Variants in GATB observed in about 807,000 individuals in gnomAD.
GATB encodes the protein glutamyl-tRNA amidotransferase subunit B, also known as glutamyl-tRNA(Gln) amidotransferase subunit B, mitochondrial.
In GATB, 39 loss-of-function variants were observed where a neutral mutation model predicts 62.3. The ratio of observed to expected loss-of-function variants is 0.63; its 90% confidence interval spans 0.48 to 0.82. GATB has a LOEUF of 0.82. Among genes scored for constraint, GATB ranks in the 40% least tolerant of loss-of-function variants. GATB has a pLI of 0.00. For synonymous variants in GATB, 276 were observed against 258.9 expected, an observed-to-expected ratio of 1.07 and a Z score of -0.63; for missense variants, 670 against 684.0, an observed-to-expected ratio of 0.98 and a Z score of 0.23.
intron 2 of GATB, chr4:151,721,399 A>T (rs2126980509): frequency 6.6e-6 from 1 of 152,354 alleles, no homozygotes; most frequent in East Asian, 1.9e-4. Flanking sequence ...TCAGCTCTGC[A>T]GCAATAAAGG....
rs144551997 is a variant in GATB, at chr4:151,717,879, C to G, written c.442-805G>C. On this transcript the variant is annotated intron_variant, in intron 3 of 12. Coordinates refer to ENST00000263985, the MANE Select transcript of GATB (RefSeq NM_004564.3). The stretch of plus-strand genomic sequence containing the variant: ...AGGTGCTGCTCTCACTGTGTTCCCT[C>G]AGTTAATTCCACAACAACCCTAGGA... Among the ~76,000 whole-genome samples, 334 of 152,306 alleles carry G rather than the reference C, an allele frequency of 2.2e-3. 3 individuals are homozygous for G. Among genetic ancestry groups the G allele is most frequent in the African/African-American group, 7.3e-3 (305 of 41,570 alleles).
chr4:151,673,934 C>T (rs1189421044), intron 11 of GATB: 1 of 152,216 alleles, frequency 6.6e-6, no homozygotes, highest in Non-Finnish European at 1.5e-5. Context: ...GCACGAACAG[C>T]AAAGCAAATA....
intron 4 of GATB, 97 bp downstream of exon 4, chr4:151,716,779 C>A: frequency 1.7e-6 from 2 of 1,149,930 alleles, no homozygotes; most frequent in South Asian, 1.4e-5. Flanking sequence ...TGACTGCTTT[C>A]TCAATTTGTT....
chr4:151,745,272 TTC>T (rs1321346455), intron 2 of GATB, among the ~76,000 whole-genome samples: 2 of 152,228 alleles, frequency 1.3e-5, no homozygotes, highest in Non-Finnish European at 2.9e-5. Context: ...TATCTTCAAT[TTC>T]TGTTTCATTT....
In GATB at chr4:151,760,847, C is replaced by G; in HGVS notation, c.136G>C (p.Ala46Pro). ...TGGGCCGTGTGGAGGGGCTGCTGAGCCACTGAGCTCTCTCCCCTAATCTGG... is the reference window on the plus strand; with the variant it reads ...TGGGCCGTGTGGAGGGGCTGCTGAGGCACTGAGCTCTCTCCCCTAATCTGG... Reference protein sequence around the residue: ...SNQIRGESSVAQQPLHTAQKT... With the variant: ...SNQIRGESSVPQQPLHTAQKT... Residue 46 changes from alanine (A) to proline (P), a missense_variant, in exon 1 of 13, where the codon GCT (alanine) becomes CCT (proline). Ala to Pro is a conservative substitution (Grantham distance 27). Coordinates refer to ENST00000263985, the MANE Select transcript of GATB (RefSeq NM_004564.3). The G allele has an allele frequency of 6.2e-7, 1 of 1,612,364 alleles. No homozygotes were observed. The highest frequency in any genetic ancestry group is 8.5e-7 in the Non-Finnish European group (1 of 1,179,138).
At chr4:151,678,437 T>TTCTC (rs35701179) in intron 11 of GATB, among the ~76,000 whole-genome samples, 2 of 150,068 alleles carry the variant, frequency 1.3e-5, no homozygotes, top group South Asian at 2.1e-4. Flanking sequence ...CAATGTGTTC[T>TTCTC]TCTCTCTCTC....
At chr4:151,749,068 A>G (rs1739661069) in intron 2 of GATB, among the ~76,000 whole-genome samples, 1 of 152,226 alleles carries the variant, frequency 6.6e-6, no homozygotes, top group Admixed American at 6.5e-5. Flanking sequence ...GTAGGACTGT[A>G]AACTAGTTCA....
At chr4:151,693,524 G>A (rs1738411908) in intron 9 of GATB, among the ~76,000 whole-genome samples, 1 of 152,158 alleles carries the variant, frequency 6.6e-6, no homozygotes, top group South Asian at 2.1e-4. Flanking sequence ...AGAGTGTCAG[G>A]AGAAAGCTAG....
chr4:151,733,986 A>G (rs1739319727), intron 2 of GATB, among the ~76,000 whole-genome samples: 1 of 152,212 alleles, frequency 6.6e-6, no homozygotes, highest in Admixed American at 6.5e-5. Flanking sequence ...ACCCACAGCC[A>G]ACATAATAAT....
intron 2 of GATB, chr4:151,723,267 C>T (rs1298194029): frequency 6.6e-6 from 1 of 152,094 alleles, no homozygotes; most frequent in Non-Finnish European, 1.5e-5. Flanking sequence ...CCTCTCATTC[C>T]TAGGGTAAAT....
Position 151,758,833 on chromosome 4 carries a change from A to G in GATB, c.266T>C (p.Phe89Ser). ...AACCAAAGAATTTGGAGGTGCTGAAAAGCGAACTTGAGATCCAGAGAAGAG... is the reference window on the plus strand; with the variant it reads ...AACCAAAGAATTTGGAGGTGCTGAAGAGCGAACTTGAGATCCAGAGAAGAG... ...SKLFSGSQVR[F>S]SAPPNSLVSF... The change falls in exon 2 of 13, where the codon TTT becomes TCT. Residue 89 changes from phenylalanine (F) to serine (S), a missense_variant. Transcript: ENST00000263985. The G allele has an allele frequency of 6.2e-7, 1 of 1,611,140 alleles. No individual in the cohort carries two copies. Among genetic ancestry groups the G allele is most frequent in the Non-Finnish European group, 8.5e-7 (1 of 1,178,460 alleles).
intron 11 of GATB, 24 bp downstream of exon 11, chr4:151,679,789 A>C: frequency 6.3e-7 from 1 of 1,597,922 alleles, no homozygotes; most frequent in Non-Finnish European, 8.6e-7. Context: ...GCACAGTCAG[A>C]AGCTGTCGGG....
intron 3 of GATB, among the ~76,000 whole-genome samples, chr4:151,719,015 G>C (rs1460919138): frequency 2.0e-5 from 3 of 152,138 alleles, no homozygotes; most frequent in Non-Finnish European, 2.9e-5. Context: ...CCTATTATTG[G>C]GAACTTCAAC....
chr4:151,692,290 T>C (rs935836762), intron 9 of GATB, among the ~76,000 whole-genome samples: 2 of 152,178 alleles, frequency 1.3e-5, no homozygotes, highest in Non-Finnish European at 2.9e-5. Flanking sequence ...GCACTGCCTT[T>C]GAGGAAGAAA....
intron 2 of GATB, among the ~76,000 whole-genome samples, chr4:151,737,508 A>G (rs180711917): frequency 3.4e-4 from 52 of 152,358 alleles, no homozygotes; most frequent in South Asian, 2.9e-3. Context: ...GGTAGAAAAG[A>G]AAAACCCATT....
intron 2 of GATB, among the ~76,000 whole-genome samples, chr4:151,738,347 C>A (rs1175971531): frequency 6.6e-6 from 1 of 152,120 alleles, no homozygotes; most frequent in African/African-American, 2.4e-5. Context: ...CTGTGCCATT[C>A]TCGCGATAGT....
intron 2 of GATB, among the ~76,000 whole-genome samples, chr4:151,734,359 A>G (rs1419432708): frequency 6.6e-6 from 1 of 152,142 alleles, no homozygotes; most frequent in Non-Finnish European, 1.5e-5. Flanking sequence ...CCAAAAAAAA[A>G]AAAAAATACT....
At chr4:151,722,065 G>A in intron 2 of GATB, 2 of 632,648 alleles carry the variant, frequency 3.2e-6, no homozygotes, top group Non-Finnish European at 5.6e-6. Flanking sequence ...AGAGGGCCCA[G>A]TAAACAGAGA....
At chr4:151,705,639 G>T (rs1033129305) in intron 6 of GATB, among the ~76,000 whole-genome samples, 2 of 152,146 alleles carry the variant, frequency 1.3e-5, no homozygotes, top group African/African-American at 2.4e-5. Flanking sequence ...AAAGGCTCTG[G>T]TATCCCCAAA....
Sources: allele counts gnomAD v4.1 joint callset (sites outside exome capture counted in the v4.1 genomes callset), GRCh38; gene constraint gnomAD v4.1.1; transcripts MANE v1.5; gene names NCBI Gene and HGNC (gene_info 2026-07-23, HGNC 2026-07-21).